Variants in CPQ observed in about 807,000 individuals in gnomAD.
CPQ encodes the protein Ser-Met dipeptidase.
CPQ carries 37 observed loss-of-function variants against 45.7 expected under a neutral mutation model. That is an observed-to-expected ratio of 0.81 (90% CI 0.62 to 1.07). The LOEUF (loss-of-function observed/expected upper bound fraction) is 1.07, where lower values mean the gene tolerates loss of function less well. Among genes scored for constraint, CPQ ranks in the 50% least tolerant of loss-of-function variants. The pLI is 0.00. For synonymous variants in CPQ, 186 were observed against 205.8 expected, an observed-to-expected ratio of 0.90 and a Z score of 0.82; for missense variants, 537 against 572.9, an observed-to-expected ratio of 0.94 and a Z score of 0.64.
In CPQ at chr8:96,880,518, CATATATATATATATATAT is replaced by C. The variant is rs200512558; in HGVS notation, c.849+555_849+572del. On this transcript the variant is annotated intron_variant, in intron 4 of 7. Transcript: ENST00000220763. ...GCTGGCTAAAAAACAAATATATGGT[CATATATATATATATATAT>C]ATATATATATATATATATATATATA... Among the ~76,000 whole-genome samples the C allele has an allele frequency of 3.4e-3, 333 of 97,256 alleles. 11 individuals carry two copies. Among genetic ancestry groups the C allele is most frequent in the African/African-American group, 0.011 (261 of 24,104 alleles). The allele number at this position is 97,256 out of a possible 152,430, so 63.8% of individuals were successfully genotyped here.
intron 5 of CPQ, among the ~76,000 whole-genome samples, chr8:97,010,267 G>A (rs760593857): frequency 3.3e-5 from 5 of 152,132 alleles, no homozygotes; most frequent in Admixed American, 6.6e-5. Context: ...TGGTCTCAAC[G>A]TAAGGGGGTC....
intron 5 of CPQ, among the ~76,000 whole-genome samples, chr8:96,983,512 A>T (rs1046103374): frequency 6.6e-6 from 1 of 152,148 alleles, no homozygotes; most frequent in Non-Finnish European, 1.5e-5. Flanking sequence ...ATATTTTTTT[A>T]AATGATTATA....
chr8:96,784,396 AG>A lies in CPQ; in HGVS notation c.-34-466del, dbSNP rs1002246770. On this transcript the variant is annotated intron_variant, in intron 1 of 7. Transcript: ENST00000220763. ...AGATGAAGAAGCAATTATTGTTCTG[AG>A]GTGGGGGGGGGGTTGGTAAAATTAT... is the stretch of plus-strand genomic sequence containing the variant. Among the ~76,000 whole-genome samples the A allele has an allele frequency of 9.9e-4, 126 of 127,720 alleles. 1 individual carries two copies. The highest frequency in any genetic ancestry group is 1.6e-3 in the Admixed American group (20 of 12,480). 83.8% of individuals were successfully genotyped at this position (127,720 alleles called of 152,430 possible).
intron 1 of CPQ, among the ~76,000 whole-genome samples, chr8:96,770,646 C>G (rs1810527975): frequency 6.6e-6 from 1 of 150,544 alleles, no homozygotes; most frequent in African/African-American, 2.4e-5. Context: ...AAAGTAGACA[C>G]AGTTCTGGTA....
chr8:96,756,248 T>G (rs570929786), intron 1 of CPQ, among the ~76,000 whole-genome samples: 1 of 152,238 alleles, frequency 6.6e-6, no homozygotes, highest in South Asian at 2.1e-4. Flanking sequence ...AGCTTCAACT[T>G]CTTGATTCAT....
chr8:96,657,415 G>C (rs1438108896), intron 1 of CPQ, among the ~76,000 whole-genome samples: 1 of 152,194 alleles, frequency 6.6e-6, no homozygotes, highest in African/African-American at 2.4e-5. Flanking sequence ...TAGTCAACGT[G>C]AGATTGTTCC....
At chr8:96,934,598 T>C (rs752604322) in intron 4 of CPQ, among the ~76,000 whole-genome samples, 1 of 152,184 alleles carries the variant, frequency 6.6e-6, no homozygotes, top group Non-Finnish European at 1.5e-5. Flanking sequence ...AGTTAGTCTG[T>C]GCGACCATTC....
chr8:96,714,080 A>G (rs1809646892), intron 1 of CPQ, among the ~76,000 whole-genome samples: 1 of 151,996 alleles, frequency 6.6e-6, no homozygotes, highest in South Asian at 2.1e-4. Context: ...TCTTTCCTTC[A>G]TGTCTACTTC....
chr8:96,841,378 C>T lies in CPQ; in HGVS notation c.641+6198C>T, dbSNP rs188815620. Among the ~76,000 whole-genome samples the T allele has an allele frequency of 9.2e-5, 14 of 152,264 alleles. No individual in the cohort carries two copies. The East Asian group carries it at 2.5e-3, about 27-fold the overall frequency. On this transcript the variant is annotated intron_variant, in intron 3 of 7. Transcript: ENST00000220763. ...TTCTGCCTCCTGCTTTCTTAGCATG[C>T]GAGCTCAAGAATGCAAAGTAATTTT...
At chr8:96,905,107 A>G (rs1812559175) in intron 4 of CPQ, among the ~76,000 whole-genome samples, 1 of 152,114 alleles carries the variant, frequency 6.6e-6, no homozygotes, top group Non-Finnish European at 1.5e-5. Context: ...CAGGAAACAT[A>G]CAATCATGGC....
At chr8:96,857,664 T>C (rs1811868624) in intron 3 of CPQ, among the ~76,000 whole-genome samples, 1 of 152,216 alleles carries the variant, frequency 6.6e-6, no homozygotes, top group African/African-American at 2.4e-5. Flanking sequence ...TAAATATTTA[T>C]TACCTGCTTC....
intron 5 of CPQ, among the ~76,000 whole-genome samples, chr8:97,002,785 C>T (rs1038715145): frequency 3.3e-5 from 5 of 151,960 alleles, no homozygotes; most frequent in Non-Finnish European, 7.4e-5. Context: ...CCATTTGATC[C>T]AGGGCTGAGT....
chr8:97,013,136 C>G (rs1216149441), intron 5 of CPQ, among the ~76,000 whole-genome samples: 1 of 152,020 alleles, frequency 6.6e-6, no homozygotes, highest in Non-Finnish European at 1.5e-5. Context: ...CTCCCTTAGG[C>G]ATATGTGGTG....
chr8:97,058,362 T>G (rs765721011), intron 6 of CPQ, among the ~76,000 whole-genome samples: 35 of 152,166 alleles, frequency 2.3e-4, no homozygotes, highest in African/African-American at 7.2e-4. Context: ...GCTGCTGCAG[T>G]CTTCCCAACC....
chr8:96,922,040 G>A (rs1237417689), intron 4 of CPQ, among the ~76,000 whole-genome samples: 1 of 152,132 alleles, frequency 6.6e-6, no homozygotes, highest in Non-Finnish European at 1.5e-5. Context: ...TATGGAGAAT[G>A]CTCCATTTTT....
At chr8:96,895,279 T>C (rs1277558039) in intron 4 of CPQ, among the ~76,000 whole-genome samples, 3 of 152,232 alleles carry the variant, frequency 2.0e-5, no homozygotes, top group Non-Finnish European at 4.4e-5. Context: ...TGGAAATACA[T>C]TAATTGAAAG....
chr8:96,954,483 A>T (rs78575760), intron 4 of CPQ, among the ~76,000 whole-genome samples: 3,475 of 152,190 alleles, frequency 0.023, 143 homozygotes, highest in African/African-American at 0.079. Context: ...GTCTTTTTTT[A>T]ATGATGTTCT....
At chr8:97,045,779 G>A (rs1348966927) in intron 6 of CPQ, among the ~76,000 whole-genome samples, 1 of 152,156 alleles carries the variant, frequency 6.6e-6, no homozygotes, top group Non-Finnish European at 1.5e-5. Flanking sequence ...GTGCTTCCAC[G>A]ACACTAACAC....
intron 1 of CPQ, among the ~76,000 whole-genome samples, chr8:96,678,045 A>G (rs968992848): frequency 1.3e-5 from 2 of 151,964 alleles, no homozygotes; most frequent in Non-Finnish European, 2.9e-5. Flanking sequence ...CTATTTTTAT[A>G]CCCCTACCCT....
Sources: gnomAD v4.1 joint callset for allele counts (sites outside exome capture counted in the v4.1 genomes callset) on GRCh38, gnomAD v4.1.1 for gene constraint, MANE v1.5 for transcripts, NCBI Gene and HGNC (gene_info 2026-07-23, HGNC 2026-07-21) for gene names.